PAK5: variants seen among roughly 807,000 people sequenced by gnomAD.
The protein encoded by PAK5 is serine/threonine-protein kinase PAK 5.
PAK5 carries 16 observed loss-of-function variants against 65.9 expected under a neutral mutation model. That is an observed-to-expected ratio of 0.24 (90% CI 0.16 to 0.37). PAK5 has a LOEUF of 0.37. Ranked by LOEUF, PAK5 falls within the 10% of genes least tolerant of loss-of-function variation. The probability of loss-of-function intolerance (pLI) is 1.00; values close to 1 mark genes in which losing one functional copy is unlikely to be tolerated. For synonymous variants in PAK5, 371 were observed against 354.9 expected (o/e 1.05, Z -0.51); for missense variants, 785 against 903.9 (o/e 0.87, Z 1.69).
intron 7 of PAK5, among the ~76,000 whole-genome samples, chr20:9,548,716 A>G (rs1312423421): frequency 1.3e-5 from 2 of 152,260 alleles, no homozygotes; most frequent in Admixed American, 1.3e-4. Context: ...GTGACAGAAG[A>G]CACATTGAAG....
At chr20:9,653,628 G>T (rs1020455861) in intron 2 of PAK5, among the ~76,000 whole-genome samples, 1 of 152,136 alleles carries the variant, frequency 6.6e-6, no homozygotes, top group South Asian at 2.1e-4. Context: ...TATCCATTCT[G>T]CTCCCCAGAT....
chr20:9,557,233 C>A (rs911741297), intron 7 of PAK5, among the ~76,000 whole-genome samples: 1 of 152,180 alleles, frequency 6.6e-6, no homozygotes, highest in Admixed American at 6.5e-5. Flanking sequence ...CTGTTACCTG[C>A]ACGGGCTCTG....
At chr20:9,614,049 A>G (rs1454408186) in intron 3 of PAK5, among the ~76,000 whole-genome samples, 1 of 152,228 alleles carries the variant, frequency 6.6e-6, no homozygotes, top group African/African-American at 2.4e-5. Context: ...GAACTATGAG[A>G]CTGGGGATTT....
intron 1 of PAK5, among the ~76,000 whole-genome samples, chr20:9,834,980 G>T (rs1222685101): frequency 1.3e-5 from 2 of 152,098 alleles, no homozygotes; most frequent in Non-Finnish European, 2.9e-5. Flanking sequence ...AAAATATTTT[G>T]ACTCAATTCT....
At chr20:9,734,282 G>A (rs954861736) in intron 1 of PAK5, among the ~76,000 whole-genome samples, 3 of 152,140 alleles carry the variant, frequency 2.0e-5, no homozygotes, top group South Asian at 2.1e-4. Context: ...ATATGCAAAA[G>A]CAGGCCAAAG....
At chr20:9,694,472 G>T (rs1051852849) in intron 2 of PAK5, among the ~76,000 whole-genome samples, 1 of 151,808 alleles carries the variant, frequency 6.6e-6, no homozygotes, top group African/African-American at 2.4e-5. Flanking sequence ...ACAGCTTAAC[G>T]ACTTTTCACA....
intron 1 of PAK5, among the ~76,000 whole-genome samples, chr20:9,837,147 T>G (rs146561645): frequency 0.011 from 1,634 of 152,346 alleles, 31 homozygotes; most frequent in African/African-American, 0.037. Context: ...AGAAGAACAC[T>G]AGGTTTTTAG....
chr20:9,581,241 C>T (rs1027857270), intron 3 of PAK5, among the ~76,000 whole-genome samples: 1 of 152,148 alleles, frequency 6.6e-6, no homozygotes, highest in Non-Finnish European at 1.5e-5. Flanking sequence ...CAAATCCCTT[C>T]CCCCTACTTC....
At chr20:9,655,131 T>G (rs2047250112) in intron 2 of PAK5, among the ~76,000 whole-genome samples, 3 of 152,314 alleles carry the variant, frequency 2.0e-5, no homozygotes, top group South Asian at 2.1e-4. Flanking sequence ...AGACCAATGT[T>G]TCTAAAATGT....
chr20:9,544,687 G>T (rs978907718), intron 7 of PAK5, among the ~76,000 whole-genome samples, 193 bp from the exon 8 acceptor site: 3 of 151,732 alleles, frequency 2.0e-5, no homozygotes, highest in African/African-American at 7.3e-5. Flanking sequence ...ACTTCTCCCG[G>T]GCCCACCAGG....
At chr20:9,766,707 T>C (rs2048772616) in intron 1 of PAK5, among the ~76,000 whole-genome samples, 1 of 151,290 alleles carries the variant, frequency 6.6e-6, no homozygotes, top group Admixed American at 6.6e-5. Context: ...TTAAAATAGG[T>C]GAAACTAATC....
intron 2 of PAK5, among the ~76,000 whole-genome samples, chr20:9,653,812 G>A (rs1483446945): frequency 6.6e-6 from 1 of 152,118 alleles, no homozygotes; most frequent in East Asian, 1.9e-4. Context: ...ATTGGCAGGG[G>A]TATGTCCCTT....
At chr20:9,554,659 CAT>C (rs556073581) in intron 7 of PAK5, among the ~76,000 whole-genome samples, 77 of 152,294 alleles carry the variant, frequency 5.1e-4, no homozygotes, top group African/African-American at 1.7e-3. Context: ...CTAATAGACT[CAT>C]ATAATAACAC....
In PAK5 at chr20:9,666,801, G is replaced by C. The variant is rs73240995; in HGVS notation, c.-11-22462C>G. 1.6e-3 allele frequency among the ~76,000 whole-genome samples: 242 copies of C among 152,338 alleles called. 2 individuals carry two copies. The highest frequency in any genetic ancestry group is 5.6e-3 in the African/African-American group (233 of 41,584). On this transcript the variant is annotated intron_variant, in intron 2 of 9. Transcript: ENST00000353224. The stretch of plus-strand genomic sequence containing the variant: ...ACATTGATTTTTAGCATAACTCTAT[G>C]AGATATGGATGAGTATTGTTACTAT...
intron 4 of PAK5, among the ~76,000 whole-genome samples, chr20:9,568,247 AG>A (rs1293021481): frequency 1.3e-5 from 2 of 152,228 alleles, no homozygotes; most frequent in African/African-American, 2.4e-5. Flanking sequence ...CAGGGATGCC[AG>A]CAGCTTATCA....
chr20:9,721,989 C>T (rs987300060), intron 1 of PAK5, among the ~76,000 whole-genome samples: 3 of 152,048 alleles, frequency 2.0e-5, no homozygotes, highest in African/African-American at 4.8e-5. Flanking sequence ...TTCCTTTAGG[C>T]TATTTTTTAA....
At chr20:9,751,586 AG>A (rs1164428183) in intron 1 of PAK5, among the ~76,000 whole-genome samples, 11 of 152,068 alleles carry the variant, frequency 7.2e-5, no homozygotes, top group Non-Finnish European at 1.5e-5. Flanking sequence ...GCCTTTATCT[AG>A]CAAAGACCCC....
rs900507520 is a variant in PAK5 at position 9,821,921 on chromosome 20, C to T, written c.-162+16841G>A. The stretch of plus-strand genomic sequence containing the variant: ...TCCTAAAAATGATCATGGGCATGAA[C>T]AACATTTTTGGGGATATAGAGTTCC... On this transcript the variant is annotated intron_variant, in intron 1 of 9. Transcript: ENST00000353224. 3.3e-5 allele frequency among the ~76,000 whole-genome samples: 5 copies of T among 152,168 alleles called. No homozygotes were observed. The East Asian group carries it at 9.6e-4, about 29-fold the overall frequency.
intron 3 of PAK5, among the ~76,000 whole-genome samples, chr20:9,599,047 G>T (rs150710962): frequency 1.3e-5 from 2 of 151,990 alleles, no homozygotes. Flanking sequence ...CCAGCCCCTG[G>T]TAACCTCGAA....
Sources: gnomAD v4.1 joint callset for allele counts (sites outside exome capture counted in the v4.1 genomes callset) on GRCh38, gnomAD v4.1.1 for gene constraint, MANE v1.5 for transcripts, NCBI Gene and HGNC (gene_info 2026-07-23, HGNC 2026-07-21) for gene names.